GXYLT2: variants seen among roughly 807,000 people sequenced by gnomAD.
The protein encoded by GXYLT2 is glucoside xylosyltransferase 2, also known as glycosyltransferase 8 domain containing 4.
In GXYLT2, 53 loss-of-function variants were observed where a neutral mutation model predicts 45.8. The ratio of observed to expected loss-of-function variants is 1.16; its 90% confidence interval spans 0.93 to 1.46. The LOEUF (loss-of-function observed/expected upper bound fraction) is 1.46, where lower values mean the gene tolerates loss of function less well. Among genes scored for constraint, GXYLT2 ranks in the 40% most tolerant of loss-of-function variants. GXYLT2 has a pLI of 0.00. For synonymous variants in GXYLT2, 219 were observed against 214.2 expected, an observed-to-expected ratio of 1.02 and a Z score of -0.19; for missense variants, 551 against 544.4, an observed-to-expected ratio of 1.01 and a Z score of -0.12.
In GXYLT2 at chr3:72,912,009, A is replaced by T. The variant is rs964116120; in HGVS notation, c.468+3450A>T. Among the ~76,000 whole-genome samples, 106 of 121,954 alleles carry T rather than the reference A, an allele frequency of 8.7e-4. 1 individual carries two copies. Among genetic ancestry groups the T allele is most frequent in the African/African-American group, 4.7e-3 (103 of 21,984 alleles). 80.0% of individuals were successfully genotyped at this position (121,954 alleles called of 152,430 possible). ...TGTGTGTGTGTATATATATATATAT[A>T]TATATTTTTTTTTTTTTTTGAGACA... On this transcript the variant is annotated intron_variant, in intron 2 of 6. Transcript: ENST00000389617.
intron 3 of GXYLT2, among the ~76,000 whole-genome samples, chr3:72,951,370 T>C (rs1348531245): frequency 6.6e-6 from 1 of 152,244 alleles, no homozygotes. Context: ...GCTGTGAGCA[T>C]TGATGCGAAT....
intron 3 of GXYLT2, among the ~76,000 whole-genome samples, chr3:72,932,117 A>G (rs1281763239): frequency 4.0e-5 from 6 of 150,414 alleles, no homozygotes; most frequent in African/African-American, 1.5e-4. Context: ...CAATGGCACG[A>G]TCTTGGCTCA....
intron 3 of GXYLT2, among the ~76,000 whole-genome samples, chr3:72,939,037 G>T (rs980267193): frequency 6.6e-6 from 1 of 152,160 alleles, no homozygotes; most frequent in Non-Finnish European, 1.5e-5. Flanking sequence ...TAAGTTATAT[G>T]TAATTCCACA....
chr3:72,931,703 G>C (rs1244138788), intron 3 of GXYLT2, among the ~76,000 whole-genome samples: 2 of 151,874 alleles, frequency 1.3e-5, no homozygotes, highest in African/African-American at 4.8e-5. Context: ...CAAGTCAATA[G>C]CCTAACCTTC....
Position 72,908,549 on chromosome 3 carries a change from T to C in GXYLT2, c.458T>C (p.Phe153Ser). The C allele has an allele frequency of 6.2e-7, 1 of 1,610,494 alleles. No individual in the cohort carries two copies. Among genetic ancestry groups the C allele is most frequent in the Non-Finnish European group, 8.5e-7 (1 of 1,178,532 alleles). Residue 153 changes from phenylalanine to serine, a missense_variant, in exon 2 of 7, where the codon TTT becomes TCT. Phe to Ser is a radical substitution (Grantham distance 155, BLOSUM62 -2). Coordinates refer to ENST00000389617, the MANE Select transcript of GXYLT2 (RefSeq NM_001080393.2). ...IFTEDSLKPE[F>S]DKQLRQWPDS... ...ACTGAAGACTCTCTGAAGCCCGAGT[T>C]TGATAAGCAGGTGAATTTGCAGAAA...
chr3:72,925,057 T>G (rs1222358492), intron 3 of GXYLT2, among the ~76,000 whole-genome samples: 1 of 152,114 alleles, frequency 6.6e-6, no homozygotes, highest in Non-Finnish European at 1.5e-5. Context: ...TGGCATTTCC[T>G]ACGCAGAGAC....
chr3:72,972,597 C>T (rs1711007801), intron 6 of GXYLT2, among the ~76,000 whole-genome samples: 1 of 139,884 alleles, frequency 7.1e-6, no homozygotes, highest in Non-Finnish European at 1.5e-5. Flanking sequence ...GCCAAGATCG[C>T]ACCACTGCAG....
intron 1 of GXYLT2, among the ~76,000 whole-genome samples, chr3:72,900,809 T>C (rs1363226802): frequency 1.4e-5 from 2 of 139,098 alleles, no homozygotes; most frequent in African/African-American, 2.6e-5. Flanking sequence ...TGCATTAATG[T>C]ATTTATTTAT....
chr3:72,971,484 T>C (rs1338389058), intron 6 of GXYLT2, among the ~76,000 whole-genome samples: 1 of 152,210 alleles, frequency 6.6e-6, no homozygotes, highest in African/African-American at 2.4e-5. Flanking sequence ...TTTTGCCGCT[T>C]TCTGGTGATT....
intron 1 of GXYLT2, among the ~76,000 whole-genome samples, chr3:72,895,606 CAA>C (rs1709273860): frequency 6.6e-6 from 1 of 151,952 alleles, no homozygotes; most frequent in East Asian, 1.9e-4. Context: ...AAAAAAAAGA[CAA>C]AATTTTATGT....
chr3:72,915,364 G>T lies in GXYLT2; in HGVS notation c.468+6805G>T, dbSNP rs564381296. On this transcript the variant is annotated intron_variant, in intron 2 of 6. Coordinates refer to ENST00000389617, the MANE Select transcript of GXYLT2 (RefSeq NM_001080393.2). ...TTTTTTTTTTTTTTTTGCGGGGGGG[G>T]GGGGGATTTAGGAAAAATAGCCCAT... is the stretch of plus-strand genomic sequence containing the variant. Among the ~76,000 whole-genome samples, 11 of 134,514 alleles carry T rather than the reference G, an allele frequency of 8.2e-5. No homozygotes were observed. In the East Asian group the frequency reaches 2.3e-3, roughly 29 times the overall value. The allele number at this position is 134,514 out of a possible 152,430, so 88.2% of individuals were successfully genotyped here. A position where few individuals can be genotyped will look rare whatever the true frequency, so the allele number is the denominator to read the frequency against.
chr3:72,940,567 A>G (rs868738412), intron 3 of GXYLT2, among the ~76,000 whole-genome samples: 1 of 152,200 alleles, frequency 6.6e-6, no homozygotes, highest in Non-Finnish European at 1.5e-5. Flanking sequence ...TGGTGAGGAT[A>G]AGGACAGGTA....
intron 6 of GXYLT2, among the ~76,000 whole-genome samples, chr3:72,973,100 G>GA (rs893649714): frequency 1.1e-4 from 17 of 150,506 alleles, no homozygotes; most frequent in African/African-American, 2.4e-4. Flanking sequence ...TATCTCAAAA[G>GA]AAAAAAAAAT....
At chr3:72,893,852 T>A (rs578238865) in intron 1 of GXYLT2, among the ~76,000 whole-genome samples, 29 of 152,010 alleles carry the variant, frequency 1.9e-4, no homozygotes, top group Non-Finnish European at 3.2e-4. Context: ...TATTTGGGTT[T>A]TTTTTTTTGA....
At chr3:72,947,173 A>G (rs1226819344) in intron 3 of GXYLT2, among the ~76,000 whole-genome samples, 1 of 152,116 alleles carries the variant, frequency 6.6e-6, no homozygotes, top group East Asian at 1.9e-4. Context: ...TCTTTCTGAC[A>G]GAGGGGACTT....
Position 72,955,308 on chromosome 3 carries a change from A to G in GXYLT2, c.811A>G (p.Met271Val). The G allele has an allele frequency of 6.2e-7, 1 of 1,613,986 alleles. No homozygotes were observed. The highest frequency in any genetic ancestry group is 1.1e-5 in the South Asian group (1 of 91,086). ...YGSAGVNSGV[M>V]LMNLTRIRST... ...CTCTGCAGGAGTTAATTCAGGAGTCATGTTAATGAATTTAACTCGGATAAG... is the reference window on the plus strand; with the variant it reads ...CTCTGCAGGAGTTAATTCAGGAGTCGTGTTAATGAATTTAACTCGGATAAG... The change falls in exon 4 of 7, where the codon ATG becomes GTG. Residue 271 changes from methionine (M) to valine (V), a missense_variant. Physicochemically the swap from Met to Val is conservative, Grantham distance 21 (BLOSUM62 1). Coordinates refer to ENST00000389617, the MANE Select transcript of GXYLT2 (RefSeq NM_001080393.2).
rs115574228 is a variant in GXYLT2, at chr3:72,941,607, C to G, written c.601-13491C>G. 6.5e-3 allele frequency among the ~76,000 whole-genome samples: 985 copies of G among 152,220 alleles called. 7 individuals carry two copies. The highest frequency in any genetic ancestry group is 0.022 in the African/African-American group (922 of 41,540). ...TAGCCCAACACCCTAGTAATCTAAG[C>G]TCAGAATTCTCTTTGCCTTTAACAA... On this transcript the variant is annotated intron_variant, in intron 3 of 6. Transcript: ENST00000389617.
At chr3:72,971,838 A>C (rs149510171) in intron 6 of GXYLT2, among the ~76,000 whole-genome samples, 124 of 125,402 alleles carry the variant, frequency 9.9e-4, no homozygotes, top group African/African-American at 2.8e-3. Context: ...AATCCCAGCT[A>C]CTTGGGAGGC....
In GXYLT2 at chr3:72,902,711, GTGCGGTGGCT is replaced by G. The variant is rs879495680; in HGVS notation, c.276-5655_276-5646del. 7.2e-3 allele frequency among the ~76,000 whole-genome samples: 955 copies of G among 133,252 alleles called. 6 individuals are homozygous for G. Among genetic ancestry groups the G allele is most frequent in the Non-Finnish European group, 9.9e-3 (570 of 57,842 alleles). 87.4% of individuals were successfully genotyped at this position (133,252 alleles called of 152,430 possible). On this transcript the variant is annotated intron_variant, in intron 1 of 6. Transcript: ENST00000389617. ...AAATAAAATAAATAAGAAAGGCCAG[GTGCGGTGGCT>G]CATGCCTGTACTTCCAGGCATGGTG...
Sources: allele counts gnomAD v4.1 joint callset (sites outside exome capture counted in the v4.1 genomes callset), GRCh38; gene constraint gnomAD v4.1.1; transcripts MANE v1.5; gene names NCBI Gene and HGNC (gene_info 2026-07-23, HGNC 2026-07-21).